Variants in TOMM40L observed in about 807,000 individuals in gnomAD.
TOMM40L encodes translocase of outer mitochondrial membrane 40 like.
Under a neutral mutation model 38.3 loss-of-function variants are expected in TOMM40L, and 17 were observed. The observed-to-expected ratio is 0.44, with a 90% CI of 0.30 to 0.67. The LOEUF (loss-of-function observed/expected upper bound fraction) is 0.67. Among genes scored for constraint, TOMM40L ranks in the 30% least tolerant of loss-of-function variants. TOMM40L has a pLI of 0.08. For missense variants in TOMM40L, 294 were observed against 390.0 expected, an observed-to-expected ratio of 0.75 and a Z score of 2.07; for synonymous variants, 151 against 150.2, an observed-to-expected ratio of 1.01 and a Z score of -0.04.
rs1389577849 is a variant in TOMM40L at position 161,227,743 on chromosome 1, C to G, written c.378+6C>G. The G allele has an allele frequency of 6.2e-7, 1 of 1,612,874 alleles. No individual in the cohort carries two copies. Among genetic ancestry groups the G allele is most frequent in the Non-Finnish European group, 8.5e-7 (1 of 1,179,812 alleles). Reference sequence around the variant, plus strand: ...GAGCTAAGGCTGTCTTCCAGGTGACCACAGTTCCTGCCTCCATCCCCTGAG... The same window carrying G: ...GAGCTAAGGCTGTCTTCCAGGTGACGACAGTTCCTGCCTCCATCCCCTGAG... On this transcript the variant is annotated splice_donor_region_variant and intron_variant, in intron 5 of 9. Transcript: ENST00000367988.
At chr1:161,228,666 G>A (rs748837835) in intron 8 of TOMM40L, 49 bp from the exon 9 acceptor site, 1 of 1,604,700 alleles carries the variant, frequency 6.2e-7, no homozygotes, top group South Asian at 1.1e-5. Flanking sequence ...GGACCCTTCT[G>A]GTCTTCACTG....
Position 161,229,929 on chromosome 1 carries a change from T to C in TOMM40L, c.*834T>C, listed in dbSNP as rs1483816006. The C allele has an allele frequency of 3.7e-6, 6 of 1,613,980 alleles. No individual in the cohort carries two copies. Among genetic ancestry groups the C allele is most frequent in the African/African-American group, 2.7e-5 (2 of 74,890 alleles). On this transcript the variant is annotated 3_prime_UTR_variant, in exon 10 of 10. Coordinates refer to ENST00000367988, the MANE Select transcript of TOMM40L (RefSeq NM_032174.6). ...CTAGCAACTTCGCATACAGAAACCT[T>C]TGGAGGAAGTAGTGGGGTTGCCAGG...
At chr1:161,227,820 GGAGCA>G in intron 5 of TOMM40L, 59 bp from the exon 6 acceptor site, 1 of 1,603,982 alleles carries the variant, frequency 6.2e-7, no homozygotes, top group Non-Finnish European at 8.5e-7. Context: ...CTTGGAAGGA[GGAGCA>G]GAGTCTATAA....
Position 161,227,929 on chromosome 1 carries a change from C to A in TOMM40L, c.424C>A (p.Arg142=). 6.2e-7 allele frequency: 1 copy of A among 1,614,066 alleles called. No homozygotes were observed. The highest frequency in any genetic ancestry group is 8.5e-7 in the Non-Finnish European group (1 of 1,179,998). Residue 142 remains arginine, a synonymous_variant, in exon 6 of 10, where the codon CGG becomes AGG. Coordinates refer to ENST00000367988, the MANE Select transcript of TOMM40L (RefSeq NM_032174.6). ...GACATGGCAGTTTGATGGCGAGTAT[C>A]GGGGAGATGACTACACAGCCACTCT... ...FLTWQFDGEY[R]GDDYTATLTL...
intron 4 of TOMM40L, 140 bp downstream of exon 4, chr1:161,227,490 G>A (rs1286160643): frequency 3.8e-6 from 4 of 1,057,812 alleles, no homozygotes; most frequent in African/African-American, 1.6e-5. Context: ...AGAGAGGGTA[G>A]AGAAACATTT....
chr1:161,227,434 G>A, intron 4 of TOMM40L, 84 bp downstream of exon 4: 1 of 1,322,994 alleles, frequency 7.6e-7, no homozygotes, highest in Non-Finnish European at 1.1e-6. Context: ...TGTGTGTTAT[G>A]GGGAGGAATG....
Position 161,229,973 on chromosome 1 carries a change from G to A in TOMM40L, c.*878G>A, listed in dbSNP as rs1219984172. On this transcript the variant is annotated 3_prime_UTR_variant, in exon 10 of 10. Coordinates refer to ENST00000367988, the MANE Select transcript of TOMM40L (RefSeq NM_032174.6). ...TGCCAGGAAAACAGGAGGGAAATAAGGCAGTTGGGAGTCTTGTCTCTAGGC... is the reference window on the plus strand; with the variant it reads ...TGCCAGGAAAACAGGAGGGAAATAAAGCAGTTGGGAGTCTTGTCTCTAGGC... 1.2e-6 allele frequency: 2 copies of A among 1,610,442 alleles called. No individual in the cohort carries two copies. Among genetic ancestry groups the A allele is most frequent in the Non-Finnish European group, 1.7e-6 (2 of 1,177,956 alleles).
intron 6 of TOMM40L, 34 bp downstream of exon 6, chr1:161,228,023 G>T: frequency 6.2e-7 from 1 of 1,610,358 alleles, no homozygotes; most frequent in East Asian, 2.2e-5. Flanking sequence ...TTTTATCTTG[G>T]CGGCCCATTT....
At position 161,229,317 on chromosome 1, in the gene TOMM40L, C is replaced by A; in HGVS notation, c.*222C>A. ...CCCCCTCTGCTACCAGCCCCAGTAT[C>A]ACCTTCCCCATGCTCTTGTGGCTGT... On this transcript the variant is annotated 3_prime_UTR_variant, in exon 10 of 10. Transcript: ENST00000367988. The A allele has an allele frequency of 1.5e-6, 1 of 650,288 alleles. No homozygotes were observed. Among genetic ancestry groups the A allele is most frequent in the Non-Finnish European group, 2.6e-6 (1 of 382,526 alleles). The allele number at this position is 650,288 out of a possible 1,614,324, so 40.3% of individuals were successfully genotyped here.
Position 161,230,518 on chromosome 1 carries a change from T to C in TOMM40L, c.*1423T>C, listed in dbSNP as rs1666925061. On this transcript the variant is annotated 3_prime_UTR_variant, in exon 10 of 10. Coordinates refer to ENST00000367988, the MANE Select transcript of TOMM40L (RefSeq NM_032174.6). ...TGGAGAAGTTGGACTAGTGAGGTAATGGATGTCATCAATCTCAGGAATGCT... is the reference window on the plus strand; with the variant it reads ...TGGAGAAGTTGGACTAGTGAGGTAACGGATGTCATCAATCTCAGGAATGCT... The C allele has an allele frequency of 5.5e-6, 3 of 542,962 alleles. No individual in the cohort carries two copies. The highest frequency in any genetic ancestry group is 9.7e-6 in the Non-Finnish European group (3 of 309,552). The allele number at this position is 542,962 out of a possible 1,614,324, so 33.6% of individuals were successfully genotyped here.
chr1:161,230,549 C>T lies in TOMM40L; in HGVS notation c.*1454C>T. 2 of 572,928 alleles carry T rather than the reference C, an allele frequency of 3.5e-6. No homozygotes were observed. The highest frequency in any genetic ancestry group is 1.9e-5 in the African/African-American group (1 of 52,964). The allele number at this position is 572,928 out of a possible 1,614,324, so 35.5% of individuals were successfully genotyped here. A position where few individuals can be genotyped will look rare whatever the true frequency, so the allele number is the denominator to read the frequency against. Reference sequence around the variant, plus strand: ...TCATCAATCTCAGGAATGCTATTACCCAGAGCCTCTGAGCTACTACTTTGC... The same window carrying T: ...TCATCAATCTCAGGAATGCTATTACTCAGAGCCTCTGAGCTACTACTTTGC... On this transcript the variant is annotated 3_prime_UTR_variant, in exon 10 of 10. Coordinates refer to ENST00000367988, the MANE Select transcript of TOMM40L (RefSeq NM_032174.6).
Position 161,226,427 on chromosome 1 carries a change from G to A in TOMM40L, c.-63G>A, listed in dbSNP as rs1666350899. 5 of 1,447,822 alleles carry A rather than the reference G, an allele frequency of 3.5e-6. No homozygotes were observed. Among genetic ancestry groups the A allele is most frequent in the Non-Finnish European group, 4.7e-6 (5 of 1,057,090 alleles). 89.7% of individuals were successfully genotyped at this position (1,447,822 alleles called of 1,614,324 possible). A position where few individuals can be genotyped will look rare whatever the true frequency, so the allele number is the denominator to read the frequency against. On this transcript the variant is annotated 5_prime_UTR_variant, in exon 2 of 10. Coordinates refer to ENST00000367988, the MANE Select transcript of TOMM40L (RefSeq NM_032174.6). ...AATGGGGGGTGGGGCCCGTTGGGGG[G>A]TAAAGGGGCAATAGCGTCCTTTCAC...
chr1:161,228,025 G>A (rs761727853), intron 6 of TOMM40L, 36 bp downstream of exon 6: 19 of 1,609,158 alleles, frequency 1.2e-5, no homozygotes, highest in East Asian at 2.2e-5. Context: ...TTATCTTGGC[G>A]GCCCATTTGC....
At position 161,227,871 on chromosome 1, in the gene TOMM40L, T is replaced by C; in HGVS notation, c.379-13T>C. 1 of 1,613,978 alleles carries C rather than the reference T, an allele frequency of 6.2e-7. No individual in the cohort carries two copies. Among genetic ancestry groups the C allele is most frequent in the Non-Finnish European group, 8.5e-7 (1 of 1,179,886 alleles). On this transcript the variant is annotated splice_polypyrimidine_tract_variant and intron_variant, in intron 5 of 9. Transcript: ENST00000367988. ...GAGGGAGGGAGATTTTACTTCTTGC[T>C]CTTGCCACCCAGACGCAGCAGGCCA... is the stretch of plus-strand genomic sequence containing the variant.
intron 9 of TOMM40L, 51 bp downstream of exon 9, chr1:161,228,868 A>T: frequency 8.7e-6 from 14 of 1,613,604 alleles, no homozygotes; most frequent in African/African-American, 1.3e-5. Context: ...GGGGATGCAG[A>T]GGAGGGAGGG....
chr1:161,227,524 C>T, intron 4 of TOMM40L, 112 bp from the exon 5 acceptor site: 2 of 1,066,834 alleles, frequency 1.9e-6, no homozygotes, highest in Non-Finnish European at 2.8e-6. Context: ...CAGAGTGTGT[C>T]TTTGTGACTC....
chr1:161,227,824 C>T, intron 5 of TOMM40L, 60 bp from the exon 6 acceptor site: 1 of 1,603,922 alleles, frequency 6.2e-7, no homozygotes, highest in Non-Finnish European at 8.5e-7. Flanking sequence ...GAAGGAGGAG[C>T]AGAGTCTATA....
At chr1:161,227,382 TA>T in intron 4 of TOMM40L, 32 bp downstream of exon 4, 1 of 1,601,274 alleles carries the variant, frequency 6.2e-7, no homozygotes, top group Non-Finnish European at 8.6e-7. Context: ...GTCATCTCCC[TA>T]AAAACCAATC....
rs1451434793 is a variant in TOMM40L, at chr1:161,227,358, C to T, written c.276+8C>T. On this transcript the variant is annotated splice_region_variant and intron_variant, in intron 4 of 9. Transcript: ENST00000367988. ...CAGCTCAGTCCCACTGAGGTGAGGG[C>T]TCCACACACCTGGGTCATCTCCCTA... 1 of 1,612,846 alleles carries T rather than the reference C, an allele frequency of 6.2e-7. No homozygotes were observed. Among genetic ancestry groups the T allele is most frequent in the South Asian group, 1.1e-5 (1 of 91,030 alleles).
Sources: allele counts gnomAD v4.1 joint callset, GRCh38; gene constraint gnomAD v4.1.1; transcripts MANE v1.5; gene names NCBI Gene and HGNC (gene_info 2026-07-23, HGNC 2026-07-21).